GEN1: variants seen among roughly 807,000 people sequenced by gnomAD.
GEN1 encodes flap endonuclease GEN homolog 1.
GEN1 carries 64 observed loss-of-function variants against 67.6 expected under a neutral mutation model. The ratio of observed to expected loss-of-function variants is 0.95; its 90% CI spans 0.77 to 1.17. The LOEUF is 1.17. Among genes scored for constraint, GEN1 ranks in the 50% most tolerant of loss-of-function variants. GEN1 has a pLI of 0.00. For synonymous variants in GEN1, 371 were observed against 359.4 expected (o/e 1.03, Z -0.37); for missense variants, 1,058 against 1,048.3 (o/e 1.01, Z -0.13).
At chr2:17,780,412 T>C (rs1672767786) in intron 13 of GEN1, among the ~76,000 whole-genome samples, 1 of 152,228 alleles carries the variant, frequency 6.6e-6, no homozygotes, top group Non-Finnish European at 1.5e-5. Flanking sequence ...AAATGTTTTC[T>C]TTATTTCCCA....
rs755591349 is a variant in GEN1, at chr2:17,759,965, C to A, written c.22C>A (p.Gln8Lys). Reference sequence around the variant, plus strand: ...CAGAATGGGAGTGAATGACTTGTGGCAAATTTTGGAGCCTGTTAAGCAACA... The same window carrying A: ...CAGAATGGGAGTGAATGACTTGTGGAAAATTTTGGAGCCTGTTAAGCAACA... Reference protein sequence around the residue: MGVNDLWQILEPVKQHIP... With the variant: MGVNDLWKILEPVKQHIP... Residue 8 changes from glutamine (Q) to lysine (K), a missense_variant, in exon 2 of 14, where the codon CAA (glutamine) becomes AAA (lysine). Gln to Lys is a moderately conservative substitution (Grantham distance 53). Transcript: ENST00000381254. 5.6e-6 allele frequency: 9 copies of A among 1,613,644 alleles called. No individual in the cohort carries two copies. In the East Asian group the frequency reaches 2.0e-4, roughly 36 times the overall value.
Position 17,781,830 on chromosome 2 carries a change from G to T in GEN1, c.2618G>T (p.Ser873Ile). Residue 873 changes from serine to isoleucine, a missense_variant, in exon 14 of 14, where the codon AGT becomes ATT. Transcript: ENST00000381254. ...EESCFPDSTK[S>I]SLSSLQCHKK... ...AGCTGTTTCCCAGATTCAACAAAAA[G>T]TTCTCTGAGTTCTCTACAATGTCAT... The T allele has an allele frequency of 6.2e-7, 1 of 1,608,996 alleles. No individual in the cohort carries two copies. The highest frequency in any genetic ancestry group is 8.5e-7 in the Non-Finnish European group (1 of 1,177,418).
In GEN1 at chr2:17,782,820, A is replaced by T. The variant is rs1428223378; in HGVS notation, c.*881A>T. ...TAGCACTTTTCCCCCTTTTGTTTTG[A>T]ATCTATGCAATATTGACTTTAATAC... On this transcript the variant is annotated 3_prime_UTR_variant, in exon 14 of 14. Transcript: ENST00000381254. The T allele has an allele frequency of 1.3e-5, 2 of 151,736 alleles. No homozygotes were observed. Among genetic ancestry groups the T allele is most frequent in the Admixed American group, 6.6e-5 (1 of 15,228 alleles). The allele number at this position is 151,736 out of a possible 1,614,324, so 9.4% of individuals were successfully genotyped here. A position where few individuals can be genotyped will look rare whatever the true frequency, so the allele number is the denominator to read the frequency against.
upstream of GEN1, chr2:17,754,112 A>C (rs1005565562): frequency 2.0e-5 from 3 of 152,146 alleles, no homozygotes; most frequent in Non-Finnish European, 2.9e-5. Context: ...CACTTCCCGG[A>C]AGAGGCGGGG....
At chr2:17,777,088 T>A (rs1348876978) in intron 11 of GEN1, among the ~76,000 whole-genome samples, 1 of 151,838 alleles carries the variant, frequency 6.6e-6, no homozygotes, top group African/African-American at 2.4e-5. Flanking sequence ...ATGGTGCCAC[T>A]GCACTCCAGC....
At chr2:17,761,264 T>A (rs1339177328) in intron 2 of GEN1, 132 bp from the exon 3 acceptor site, 4 of 592,392 alleles carry the variant, frequency 6.8e-6, no homozygotes, top group Non-Finnish European at 1.2e-5. Context: ...CCACTCTAAT[T>A]AAAGCTTAAG....
rs1190859376 is a variant in GEN1, at chr2:17,786,011, A to T, written c.*4072A>T. The stretch of plus-strand genomic sequence containing the variant: ...TTGAGCCATCTTGTCAGGCATACCT[A>T]GCTTCAGATTCTTTTCTGCTAACAG... On this transcript the variant is annotated 3_prime_UTR_variant, in exon 14 of 14. Coordinates refer to ENST00000381254, the MANE Select transcript of GEN1 (RefSeq NM_001130009.3). 1.3e-5 allele frequency: 2 copies of T among 152,232 alleles called. No individual in the cohort carries two copies. The highest frequency in any genetic ancestry group is 4.8e-5 in the African/African-American group (2 of 41,464). 9.4% of individuals were successfully genotyped at this position (152,232 alleles called of 1,614,324 possible).
At position 17,782,167 on chromosome 2, in the gene GEN1, C is replaced by A; in HGVS notation, c.*228C>A. 1 of 369,572 alleles carries A rather than the reference C, an allele frequency of 2.7e-6. No homozygotes were observed. The highest frequency in any genetic ancestry group is 4.8e-6 in the Non-Finnish European group (1 of 207,248). The allele number at this position is 369,572 out of a possible 1,614,324, so 22.9% of individuals were successfully genotyped here. A position where few individuals can be genotyped will look rare whatever the true frequency, so the allele number is the denominator to read the frequency against. ...GATAATGTATGTCATTATGTCCTTA[C>A]TATTCCTTAATTGTAGTTTTAAAAT... On this transcript the variant is annotated 3_prime_UTR_variant, in exon 14 of 14. Coordinates refer to ENST00000381254, the MANE Select transcript of GEN1 (RefSeq NM_001130009.3).
upstream of GEN1, among the ~76,000 whole-genome samples, chr2:17,753,284 C>T (rs1231357420): frequency 1.5e-5 from 1 of 67,810 alleles, no homozygotes; most frequent in Admixed American, 1.2e-4. Context: ...CCCCAGACCT[C>T]TCCCCGCTTT....
At position 17,756,122 on chromosome 2, in the gene GEN1, G is replaced by A. The variant is rs142134275; in HGVS notation, c.-16+1777G>A. On this transcript the variant is annotated intron_variant, in intron 1 of 13. Transcript: ENST00000381254. ...ATATTAGAATCTTGTAATGCATCTG[G>A]TTTAATACCTGTCATTTTGTAGAAC... 2.8e-3 allele frequency among the ~76,000 whole-genome samples: 423 copies of A among 152,026 alleles called. 4 individuals are homozygous for A. Among genetic ancestry groups the A allele is most frequent in the African/African-American group, 9.4e-3 (390 of 41,470 alleles).
In GEN1 at chr2:17,783,446, A is replaced by G. The variant is rs1338900799; in HGVS notation, c.*1507A>G. The G allele has an allele frequency of 6.6e-6, 1 of 152,272 alleles. No individual in the cohort carries two copies. The highest frequency in any genetic ancestry group is 1.9e-4 in the East Asian group (1 of 5,192). 9.4% of individuals were successfully genotyped at this position (152,272 alleles called of 1,614,324 possible). ...GACATAAGATGACCATACTCCCCAA[A>G]CTGATCTACAGGTTAAATGTAATTC... is the stretch of plus-strand genomic sequence containing the variant. On this transcript the variant is annotated 3_prime_UTR_variant, in exon 14 of 14. Coordinates refer to ENST00000381254, the MANE Select transcript of GEN1 (RefSeq NM_001130009.3).
At chr2:17,759,507 TC>T (rs1159935489) in intron 1 of GEN1, among the ~76,000 whole-genome samples, 1 of 152,208 alleles carries the variant, frequency 6.6e-6, no homozygotes, top group African/African-American at 2.4e-5. Flanking sequence ...TCATTTTCTC[TC>T]GTTTCTTCTT....
In GEN1 at chr2:17,772,630, A is replaced by G. The variant is rs373132364; in HGVS notation, c.803-4A>G. On this transcript the variant is annotated splice_polypyrimidine_tract_variant and splice_region_variant and intron_variant, in intron 7 of 13. Coordinates refer to ENST00000381254, the MANE Select transcript of GEN1 (RefSeq NM_001130009.3). The stretch of plus-strand genomic sequence containing the variant: ...TATTATACTTTTTTTGGGTCTCCAT[A>G]AAGGTTCACCTAAGGATCATGAACG... 25 of 1,596,700 alleles carry G rather than the reference A, an allele frequency of 1.6e-5. No homozygotes were observed. Among genetic ancestry groups the G allele is most frequent in the Non-Finnish European group, 2.0e-5 (24 of 1,173,302 alleles).
intron 1 of GEN1, among the ~76,000 whole-genome samples, chr2:17,756,930 G>A (rs111627905): frequency 1.6e-4 from 25 of 152,192 alleles, no homozygotes; most frequent in African/African-American, 5.8e-4. Context: ...TCACTTCCGC[G>A]GAACAGCTGG....
In GEN1 at chr2:17,787,081, T is replaced by C. The variant is rs557994562; in HGVS notation, c.*5142T>C. 4 of 152,362 alleles carry C rather than the reference T, an allele frequency of 2.6e-5. No homozygotes were observed. Among genetic ancestry groups the C allele is most frequent in the African/African-American group, 9.6e-5 (4 of 41,580 alleles). 9.4% of individuals were successfully genotyped at this position (152,362 alleles called of 1,614,324 possible). ...CCTGCACGGATGTCTCTGCCTGAAA[T>C]GCTTGCTGCTTCCTTATTGGCTAGA... On this transcript the variant is annotated 3_prime_UTR_variant, in exon 14 of 14. Transcript: ENST00000381254.
chr2:17,774,779 GAAAAA>G (rs747560753), intron 11 of GEN1, among the ~76,000 whole-genome samples: 1 of 140,122 alleles, frequency 7.1e-6, no homozygotes, highest in Admixed American at 7.2e-5. Flanking sequence ...TCGCTTCAGA[GAAAAA>G]AAAAAAAATG....
At position 17,786,185 on chromosome 2, in the gene GEN1, A is replaced by G. The variant is rs955370257; in HGVS notation, c.*4246A>G. On this transcript the variant is annotated 3_prime_UTR_variant, in exon 14 of 14. Coordinates refer to ENST00000381254, the MANE Select transcript of GEN1 (RefSeq NM_001130009.3). Reference sequence around the variant, plus strand: ...TGATATCTGTGAAGTCACTGCCACCATTGACACATTCTAGGGACTCAGTAA... The same window carrying G: ...TGATATCTGTGAAGTCACTGCCACCGTTGACACATTCTAGGGACTCAGTAA... 5 of 152,236 alleles carry G rather than the reference A, an allele frequency of 3.3e-5. No individual in the cohort carries two copies. Among genetic ancestry groups the G allele is most frequent in the Non-Finnish European group, 7.3e-5 (5 of 68,046 alleles). The allele number at this position is 152,236 out of a possible 1,614,324, so 9.4% of individuals were successfully genotyped here.
chr2:17,763,897 C>A (rs149180189), intron 3 of GEN1, among the ~76,000 whole-genome samples: 2 of 152,116 alleles, frequency 1.3e-5, no homozygotes, highest in African/African-American at 2.4e-5. Flanking sequence ...TGTAATGTGG[C>A]GTGGAAGTGA....
upstream of GEN1, chr2:17,753,773 G>A (rs990484790): frequency 6.6e-6 from 1 of 152,274 alleles, no homozygotes; most frequent in African/African-American, 2.4e-5. Context: ...GGAGAAGGTA[G>A]ATTCCCGGGA....
Sources: gnomAD v4.1 joint callset for allele counts (sites outside exome capture counted in the v4.1 genomes callset) on GRCh38, gnomAD v4.1.1 for gene constraint, MANE v1.5 for transcripts, NCBI Gene and HGNC (gene_info 2026-07-23, HGNC 2026-07-21) for gene names.